The following LAMA2 variants were observed in gnomAD, a reference collection of about 807,000 sequenced individuals.
LAMA2 encodes laminin subunit alpha-2.
Under a neutral mutation model 364.8 loss-of-function variants are expected in LAMA2, and 269 were observed. The ratio of observed to expected loss-of-function variants is 0.74; its 90% CI spans 0.67 to 0.82. The LOEUF (loss-of-function observed/expected upper bound fraction) is 0.82, where lower values mean the gene tolerates loss of function less well. Among genes scored for constraint, LAMA2 ranks in the 40% least tolerant of loss-of-function variants. LAMA2 has a pLI of 0.00. For synonymous variants in LAMA2, 1,379 were observed against 1,370.6 expected, an observed-to-expected ratio of 1.01 and a Z score of -0.14; for missense variants, 3,807 against 3,873.2, an observed-to-expected ratio of 0.98 and a Z score of 0.45.
In LAMA2 at chr6:129,507,499, G is replaced by A. The variant is rs760951115; in HGVS notation, c.8714G>A (p.Ser2905Asn). ...TTRRIGPVTY[S>N]IDGCVRNLHM... ...GATCTGAATGTTTAGGTGACCTATA[G>A]CATTGATGGCTGCGTCAGGAATCTC... Residue 2905 changes from serine (S) to asparagine (N), a missense_variant, in exon 62 of 65, where the codon AGC (serine) becomes AAC (asparagine). Ser to Asn is a conservative substitution (Grantham distance 46). Around this residue, in one of 3 missense-constraint regions of LAMA2, gnomAD observed 3,333 missense variants for 3,345.7 expected, o/e 1.00. Coordinates refer to ENST00000421865, the MANE Select transcript of LAMA2 (RefSeq NM_000426.4). The A allele has an allele frequency of 6.2e-7, 1 of 1,614,144 alleles. No homozygotes were observed. Among genetic ancestry groups the A allele is most frequent in the Admixed American group, 1.7e-5 (1 of 60,028 alleles).
chr6:129,251,076 C>CTCTCTCTCTATATA (rs1491468271), intron 13 of LAMA2, among the ~76,000 whole-genome samples: 3 of 49,802 alleles, frequency 6.0e-5, no homozygotes, highest in Non-Finnish European at 1.1e-4. Context: ...CTCTCTCTCT[C>CTCTCTCTCTATATA]TATATATATA....
At position 129,172,025 on chromosome 6, in the gene LAMA2, T is replaced by A. The variant is rs1206662493; in HGVS notation, c.1307-5681T>A. On this transcript the variant is annotated intron_variant, in intron 9 of 64. Transcript: ENST00000421865. ...TCTCGAGCCTTGGTTTTCAGCTCCATCAGCTCCTTTAAGCACTTCTCTGTA... is the reference window on the plus strand; with the variant it reads ...TCTCGAGCCTTGGTTTTCAGCTCCAACAGCTCCTTTAAGCACTTCTCTGTA... Among the ~76,000 whole-genome samples, 4 of 136,470 alleles carry A rather than the reference T, an allele frequency of 2.9e-5. No homozygotes were observed. The South Asian group carries it at 1.0e-3, about 35-fold the overall frequency. The allele number at this position is 136,470 out of a possible 152,430, so 89.5% of individuals were successfully genotyped here. A position where few individuals can be genotyped will look rare whatever the true frequency, so the allele number is the denominator to read the frequency against.
chr6:129,485,301 T>A (rs1784538627), intron 55 of LAMA2, among the ~76,000 whole-genome samples: 1 of 152,182 alleles, frequency 6.6e-6, no homozygotes, highest in Non-Finnish European at 1.5e-5. Context: ...AGGATAGTGC[T>A]TAAAATAAAA....
rs201918511 is a variant in LAMA2 at position 129,478,812 on chromosome 6, A to G, written c.7571A>G (p.Glu2524Gly). The change falls in exon 54 of 65, where the codon GAG becomes GGG. Residue 2524 changes from glutamate (E) to glycine (G), a missense_variant and splice_region_variant. Glu to Gly is a moderately conservative substitution (Grantham distance 98). Around this residue, in one of 3 missense-constraint regions of LAMA2, gnomAD observed 3,333 missense variants for 3,345.7 expected, o/e 1.00. Transcript: ENST00000421865. ...YVGVTKGCSL[E>G]NVYTVSFPKP... ...GGTGTTACCAAAGGATGTTCCCTGG[A>G]GGTTGGTCTGTTTTTGATAGTTCTC... The G allele has an allele frequency of 1.2e-6, 2 of 1,612,810 alleles. No individual in the cohort carries two copies. Among genetic ancestry groups the G allele is most frequent in the Non-Finnish European group, 1.7e-6 (2 of 1,179,032 alleles).
At chr6:129,465,108 G>A (rs756351572) in intron 50 of LAMA2, 37 bp from the exon 51 acceptor site, 3 of 1,558,024 alleles carry the variant, frequency 1.9e-6, no homozygotes, top group South Asian at 2.2e-5. Context: ...ACTTCTCTGT[G>A]TATCTAACCA....
intron 30 of LAMA2, among the ~76,000 whole-genome samples, chr6:129,346,491 T>A (rs746597841): frequency 6.6e-6 from 1 of 152,228 alleles, no homozygotes; most frequent in Non-Finnish European, 1.5e-5. Flanking sequence ...GATGAACATT[T>A]ACTAAGCATA....
At chr6:128,930,044 C>G (rs1474453250) in intron 1 of LAMA2, 2 of 413,644 alleles carry the variant, frequency 4.8e-6, no homozygotes, top group Admixed American at 4.2e-5. Context: ...GGCGCCGTGG[C>G]GCCCGCAGCC....
intron 34 of LAMA2, among the ~76,000 whole-genome samples, chr6:129,370,239 C>T (rs1379432539): frequency 6.6e-6 from 1 of 152,182 alleles, no homozygotes; most frequent in African/African-American, 2.4e-5. Flanking sequence ...ATTTTGAGAA[C>T]TTTATTCAGT....
intron 22 of LAMA2, among the ~76,000 whole-genome samples, chr6:129,302,273 G>T (rs538235822): frequency 1.3e-5 from 2 of 152,100 alleles, no homozygotes; most frequent in Admixed American, 1.3e-4. Flanking sequence ...GCCCAGTAAT[G>T]TTGGGAATCC....
At chr6:129,495,216 T>G (rs2114867100) in intron 58 of LAMA2, among the ~76,000 whole-genome samples, 1 of 152,330 alleles carries the variant, frequency 6.6e-6, no homozygotes, top group South Asian at 2.1e-4. Context: ...AATGATTGTA[T>G]TTCTATAGGC....
At chr6:128,920,077 C>T (rs1375699258) in intron 1 of LAMA2, among the ~76,000 whole-genome samples, 3 of 152,158 alleles carry the variant, frequency 2.0e-5, no homozygotes, top group Non-Finnish European at 2.9e-5. Context: ...CAGTTCAAAG[C>T]CTGTGCCCAT....
At chr6:128,977,180 T>C (rs1002241008) in intron 1 of LAMA2, among the ~76,000 whole-genome samples, 2 of 152,128 alleles carry the variant, frequency 1.3e-5, no homozygotes, top group Admixed American at 6.5e-5. Context: ...TAATACATAA[T>C]GCTCTTTCTT....
intron 1 of LAMA2, among the ~76,000 whole-genome samples, chr6:128,973,693 G>A (rs1782342843): frequency 6.6e-6 from 1 of 152,180 alleles, no homozygotes; most frequent in Non-Finnish European, 1.5e-5. Context: ...GCGGGAAAGA[G>A]GAGGTGGGTG....
chr6:129,073,022 T>C (rs1224724228), intron 3 of LAMA2, among the ~76,000 whole-genome samples: 2 of 152,168 alleles, frequency 1.3e-5, no homozygotes, highest in Non-Finnish European at 2.9e-5. Context: ...ATTTCTTTTC[T>C]GCCTTTTTTA....
At chr6:129,367,814 A>C (rs1020144070) in intron 33 of LAMA2, among the ~76,000 whole-genome samples, 3 of 152,246 alleles carry the variant, frequency 2.0e-5, no homozygotes, top group African/African-American at 7.2e-5. Context: ...AAACTCCAAG[A>C]AATAGGAAAG....
intron 1 of LAMA2, among the ~76,000 whole-genome samples, chr6:128,972,613 G>A (rs1468769067): frequency 6.6e-6 from 1 of 152,042 alleles, no homozygotes; most frequent in Admixed American, 6.6e-5. Flanking sequence ...CTAGAGTCAG[G>A]ATGAGGTGGA....
At chr6:128,903,147 T>C (rs575749267) in intron 1 of LAMA2, among the ~76,000 whole-genome samples, 5 of 152,038 alleles carry the variant, frequency 3.3e-5, no homozygotes, top group East Asian at 2.0e-4. Flanking sequence ...ATTTGAGGGA[T>C]ATAGGAGGCT....
At chr6:129,516,107 G>C (rs190550179) in intron 64 of LAMA2, 83 bp from the exon 65 acceptor site, 1 of 1,441,624 alleles carries the variant, frequency 6.9e-7, no homozygotes, top group Non-Finnish European at 9.8e-7. Context: ...TTAATCTCAA[G>C]CTAACAGTTG....
At chr6:128,928,611 G>C (rs1164714965) in intron 1 of LAMA2, among the ~76,000 whole-genome samples, 1 of 152,194 alleles carries the variant, frequency 6.6e-6, no homozygotes, top group Non-Finnish European at 1.5e-5. Context: ...TCCTATTGGG[G>C]CTGTGCCAGA....
Sources: allele counts gnomAD v4.1 joint callset (sites outside exome capture counted in the v4.1 genomes callset), GRCh38; gene constraint gnomAD v4.1.1; regional missense constraint gnomAD v4.1.1; transcripts MANE v1.5; gene names NCBI Gene and HGNC (gene_info 2026-07-23, HGNC 2026-07-21).